TMEM131L: variants seen among roughly 807,000 people sequenced by gnomAD.
TMEM131L encodes the protein transmembrane 131 like.
Under a neutral mutation model 192.2 loss-of-function variants are expected in TMEM131L, and 54 were observed. That is an observed-to-expected ratio of 0.28 (90% CI 0.23 to 0.35). The LOEUF is 0.35. Among genes scored for constraint, TMEM131L ranks in the 10% least tolerant of loss-of-function variants. The probability of loss-of-function intolerance (pLI) is 1.00; values close to 1 mark genes in which losing one functional copy is unlikely to be tolerated. For missense variants in TMEM131L, 1,888 were observed against 1,972.9 expected (o/e 0.96, Z 0.82); for synonymous variants, 701 against 704.9 (o/e 0.99, Z 0.09).
intron 3 of TMEM131L, among the ~76,000 whole-genome samples, chr4:153,480,463 T>G (rs1731857427): frequency 1.5e-5 from 2 of 132,718 alleles, no homozygotes; most frequent in South Asian, 4.5e-4. Flanking sequence ...GAGGTTGCAG[T>G]GAGCTGAGAT....
At chr4:153,486,981 G>C (rs551342449) in intron 3 of TMEM131L, among the ~76,000 whole-genome samples, 1 of 152,318 alleles carries the variant, frequency 6.6e-6, no homozygotes, top group East Asian at 1.9e-4. Context: ...CTCGAAGCCT[G>C]GTCCAGGGAC....
intron 7 of TMEM131L, among the ~76,000 whole-genome samples, chr4:153,580,138 G>C (rs1730235420): frequency 1.3e-5 from 2 of 152,164 alleles, no homozygotes; most frequent in Admixed American, 1.3e-4. Context: ...TCACATGCCT[G>C]TAGCCCCCAC....
chr4:153,592,743 A>G (rs766235486), intron 18 of TMEM131L, among the ~76,000 whole-genome samples, 159 bp downstream of exon 18: 4 of 152,246 alleles, frequency 2.6e-5, no homozygotes, highest in Non-Finnish European at 4.4e-5. Context: ...CCCTTGGTGC[A>G]TGTGATTTGA....
chr4:153,620,844 G>T lies in TMEM131L; in HGVS notation c.3656G>T (p.Arg1219Ile). 2 of 1,600,404 alleles carry T rather than the reference G, an allele frequency of 1.2e-6. No homozygotes were observed. Among genetic ancestry groups the T allele is most frequent in the Non-Finnish European group, 1.7e-6 (2 of 1,175,206 alleles). ...NLNWSKSRTCRKNKKRGVAPV... is the reference protein window; with the variant it reads ...NLNWSKSRTCIKNKKRGVAPV... ...AATTGGAGTAAAAGTCGAACATGTAGAAAGAACAAGAAAAGGGGTGTTGCT... is the reference window on the plus strand; with the variant it reads ...AATTGGAGTAAAAGTCGAACATGTATAAAGAACAAGAAAAGGGGTGTTGCT... Residue 1219 changes from arginine to isoleucine, a missense_variant, in exon 27 of 35, where the codon AGA becomes ATA. Transcript: ENST00000409959.
At position 153,482,459 on chromosome 4, in the gene TMEM131L, A is replaced by G. The variant is rs770397948; in HGVS notation, c.239+8571A>G. ...TTTTTTTTAGGTGAAAAAATTGTGA[A>G]ATTTTTAGCAAAGCTTTTGACACCT... On this transcript the variant is annotated intron_variant, in intron 3 of 34. Transcript: ENST00000409959. Among the ~76,000 whole-genome samples the G allele has an allele frequency of 6.6e-5, 10 of 152,200 alleles. 1 individual carries two copies. The highest frequency in any genetic ancestry group is 1.0e-4 in the Non-Finnish European group (7 of 68,034).
rs144004598 is a variant in TMEM131L, at chr4:153,617,354, G to A, written c.3568-3402G>A. 2.0e-5 allele frequency among the ~76,000 whole-genome samples: 3 copies of A among 152,268 alleles called. No homozygotes were observed. The East Asian group carries it at 5.8e-4, about 29-fold the overall frequency. ...ATGTCTTTATCAGCAGCGTGAAAAC[G>A]AACTAATACAGGGATCAACTGTGTA... is the stretch of plus-strand genomic sequence containing the variant. On this transcript the variant is annotated intron_variant, in intron 26 of 34. Coordinates refer to ENST00000409959, the MANE Select transcript of TMEM131L (RefSeq NM_001131007.2).
chr4:153,616,374 C>G (rs1231814010), intron 26 of TMEM131L, among the ~76,000 whole-genome samples: 1 of 151,960 alleles, frequency 6.6e-6, no homozygotes, highest in African/African-American at 2.4e-5. Flanking sequence ...TGGCGAAAAT[C>G]ATTCTTAATA....
chr4:153,467,198 G>T lies in TMEM131L; in HGVS notation c.125-13G>T. ...GCATTAAAAACGTGGTGTATTTTTT[G>T]GTGTTCCTGCAGCGATTGAGCCGTT... On this transcript the variant is annotated splice_polypyrimidine_tract_variant and intron_variant, in intron 1 of 34. Transcript: ENST00000409959. 4.5e-6 allele frequency: 7 copies of T among 1,551,432 alleles called. No individual in the cohort carries two copies. The South Asian group carries it at 8.3e-5, about 18-fold the overall frequency.
intron 2 of TMEM131L, among the ~76,000 whole-genome samples, chr4:153,473,010 C>T (rs967423781): frequency 5.3e-5 from 8 of 152,216 alleles, no homozygotes; most frequent in Non-Finnish European, 7.3e-5. Flanking sequence ...CCCAGAGCCT[C>T]GCCTGGTAGA....
intron 29 of TMEM131L, among the ~76,000 whole-genome samples, chr4:153,624,893 T>G (rs890852404): frequency 6.6e-6 from 1 of 152,250 alleles, no homozygotes; most frequent in Non-Finnish European, 1.5e-5. Flanking sequence ...TCTGAGAGAC[T>G]AGTGCAGTAG....
intron 3 of TMEM131L, among the ~76,000 whole-genome samples, chr4:153,519,953 A>G (rs1231288316): frequency 6.6e-6 from 1 of 152,224 alleles, no homozygotes; most frequent in Non-Finnish European, 1.5e-5. Context: ...AGCCCAGTAC[A>G]TCCTAAATGC....
intron 25 of TMEM131L, among the ~76,000 whole-genome samples, chr4:153,610,494 C>T (rs1381780736): frequency 2.0e-5 from 3 of 152,106 alleles, no homozygotes; most frequent in African/African-American, 7.2e-5. Context: ...GCCCCTTTTT[C>T]TGAAAGTATA....
At chr4:153,572,170 T>A (rs1420225392) in intron 7 of TMEM131L, among the ~76,000 whole-genome samples, 2 of 152,150 alleles carry the variant, frequency 1.3e-5, no homozygotes, top group Non-Finnish European at 2.9e-5. Context: ...CCTCAGACAT[T>A]TATCATTTCA....
At chr4:153,517,389 C>CAAGG (rs1734808981) in intron 3 of TMEM131L, among the ~76,000 whole-genome samples, 1 of 152,206 alleles carries the variant, frequency 6.6e-6, no homozygotes. Flanking sequence ...GGGTCCTTTA[C>CAAGG]AAGGCCCTGG....
chr4:153,619,013 T>C (rs925126434), intron 26 of TMEM131L, among the ~76,000 whole-genome samples: 3 of 152,150 alleles, frequency 2.0e-5, no homozygotes, highest in African/African-American at 7.2e-5. Context: ...CATTCCCCTT[T>C]TCTTTGTCAT....
chr4:153,555,351 G>C lies in TMEM131L; in HGVS notation c.309-436G>C, dbSNP rs1737908745. On this transcript the variant is annotated intron_variant, in intron 4 of 34. Coordinates refer to ENST00000409959, the MANE Select transcript of TMEM131L (RefSeq NM_001131007.2). The surrounding 1 kb of genome is among the most constrained non-coding windows in gnomAD (Gnocchi z 4.1). Reference sequence around the variant, plus strand: ...TTCTTACCTAAACATATTTTCGTTTGTTTCAATATTTTCGAATGAATATTT... The same window carrying C: ...TTCTTACCTAAACATATTTTCGTTTCTTTCAATATTTTCGAATGAATATTT... 6.6e-6 allele frequency among the ~76,000 whole-genome samples: 1 copy of C among 152,026 alleles called. No individual in the cohort carries two copies. The highest frequency in any genetic ancestry group is 2.1e-4 in the South Asian group (1 of 4,824).
At chr4:153,515,801 G>A (rs368106754) in intron 3 of TMEM131L, among the ~76,000 whole-genome samples, 2 of 152,078 alleles carry the variant, frequency 1.3e-5, no homozygotes, top group East Asian at 1.9e-4. Flanking sequence ...GTGCGATGTG[G>A]TATCATTGTT....
In TMEM131L at chr4:153,517,157, C is replaced by A. The variant is rs148311094; in HGVS notation, c.240-32916C>A. ...CTTTTAAATTTTAATCTAAGAGGTC[C>A]AAATTGGTATTATATACTTCTTTTA... On this transcript the variant is annotated intron_variant, in intron 3 of 34. Coordinates refer to ENST00000409959, the MANE Select transcript of TMEM131L (RefSeq NM_001131007.2). 8.8e-3 allele frequency among the ~76,000 whole-genome samples: 1,334 copies of A among 152,276 alleles called. 12 individuals are homozygous for A. The highest frequency in any genetic ancestry group is 0.034 in the Middle Eastern group (10 of 294).
At chr4:153,482,314 TGTAAA>T (rs1732003543) in intron 3 of TMEM131L, among the ~76,000 whole-genome samples, 1 of 139,284 alleles carries the variant, frequency 7.2e-6, no homozygotes, top group East Asian at 2.2e-4. Context: ...GCCATAACAA[TGTAAA>T]GTAATTTTTT....
Sources: gnomAD v4.1 joint callset for allele counts (sites outside exome capture counted in the v4.1 genomes callset) on GRCh38, gnomAD v4.1.1 for gene constraint, Gnocchi (gnomAD v3.1) non-coding constraint, MANE v1.5 for transcripts, NCBI Gene and HGNC (gene_info 2026-07-23, HGNC 2026-07-21) for gene names.